Variants in HERC3 observed in about 807,000 individuals in gnomAD.
HERC3 encodes HECT and RLD domain containing E3 ubiquitin protein ligase 3, also known as probable E3 ubiquitin-protein ligase HERC3.
A neutral mutation model predicts 129.9 loss-of-function variants in HERC3; 58 were observed. That is an observed-to-expected ratio of 0.45 (90% CI 0.36 to 0.56). The LOEUF (loss-of-function observed/expected upper bound fraction) is 0.56, where lower values mean the gene tolerates loss of function less well. Among genes scored for constraint, HERC3 ranks in the 20% least tolerant of loss-of-function variants. The pLI, the probability that HERC3 is intolerant of heterozygous loss-of-function variation, is 0.00. For missense variants in HERC3, 835 were observed against 1,244.2 expected (o/e 0.67, Z 4.95); for synonymous variants, 430 against 451.0 (o/e 0.95, Z 0.59).
the HERC3 span, among the ~76,000 whole-genome samples, chr4:88,565,049 CTT>C: frequency 6.6e-6 from 1 of 151,964 alleles, no homozygotes; most frequent in Non-Finnish European, 1.5e-5. Flanking sequence ...CAATGTTCCT[CTT>C]GTTATTGACT....
At chr4:88,603,629 G>A (rs997381146) in intron 2 of HERC3, among the ~76,000 whole-genome samples, 4 of 152,178 alleles carry the variant, frequency 2.6e-5, no homozygotes, top group African/African-American at 9.7e-5. Context: ...AACCAGAGAG[G>A]TGCATGGGGT....
chr4:88,606,576 G>T (rs1723660439), intron 3 of HERC3, among the ~76,000 whole-genome samples: 1 of 152,182 alleles, frequency 6.6e-6, no homozygotes, highest in Non-Finnish European at 1.5e-5. Flanking sequence ...GTTTAGAAAA[G>T]AAAGAGGTTT....
chr4:88,654,379 T>C (rs1178356499), intron 7 of HERC3, among the ~76,000 whole-genome samples: 6 of 99,174 alleles, frequency 6.0e-5, no homozygotes, highest in South Asian at 6.3e-4. Flanking sequence ...TATATATATA[T>C]ATATATATAC....
At chr4:88,658,685 C>T (rs1730174324) in intron 10 of HERC3, among the ~76,000 whole-genome samples, 194 bp downstream of exon 10, 1 of 152,242 alleles carries the variant, frequency 6.6e-6, no homozygotes, top group Admixed American at 6.5e-5. Context: ...AACAATTCTC[C>T]TGGAATTATG....
At chr4:88,632,063 A>G (rs1352137469) in intron 3 of HERC3, among the ~76,000 whole-genome samples, 1 of 152,228 alleles carries the variant, frequency 6.6e-6, no homozygotes, top group South Asian at 2.1e-4. Context: ...GCAGAAGTCC[A>G]TAGGCTAGAG....
At chr4:88,682,619 G>A (rs1340918784) in intron 21 of HERC3, among the ~76,000 whole-genome samples, 1 of 151,748 alleles carries the variant, frequency 6.6e-6, no homozygotes, top group African/African-American at 2.4e-5. Context: ...GATGGTTTCC[G>A]GCTTCATCCA....
chr4:88,623,132 A>G (rs371228379), intron 3 of HERC3, among the ~76,000 whole-genome samples: 1 of 152,176 alleles, frequency 6.6e-6, no homozygotes, highest in East Asian at 1.9e-4. Context: ...TAATGATGAA[A>G]CTTAACATCA....
chr4:88,664,127 C>A, intron 11 of HERC3, 26 bp from the exon 12 acceptor site: 1 of 1,595,114 alleles, frequency 6.3e-7, no homozygotes, highest in Non-Finnish European at 8.6e-7. Flanking sequence ...TTAAAGGCTT[C>A]CCCCTCCCTT....
At chr4:88,691,658 T>C (rs1477176280) in intron 23 of HERC3, among the ~76,000 whole-genome samples, 1 of 152,256 alleles carries the variant, frequency 6.6e-6, no homozygotes, top group African/African-American at 2.4e-5. Flanking sequence ...GAATGAATTT[T>C]TTTTTCTTTT....
chr4:88,664,613 A>T lies in HERC3; in HGVS notation c.1331+401A>T, dbSNP rs1220929464. On this transcript the variant is annotated intron_variant, in intron 12 of 25. Coordinates refer to ENST00000402738, the MANE Select transcript of HERC3 (RefSeq NM_014606.3). The stretch of plus-strand genomic sequence containing the variant: ...AAAGCAGATTACCGAGAGAGACTGT[A>T]TCTCAGAAATAATTGGTAGAATCAT... Among the ~76,000 whole-genome samples, 6 of 152,340 alleles carry T rather than the reference A, an allele frequency of 3.9e-5. No homozygotes were observed. In the East Asian group the frequency reaches 1.2e-3, roughly 29 times the overall value.
chr4:88,590,137 G>A (rs1200435503), upstream of HERC3, among the ~76,000 whole-genome samples: 1 of 152,028 alleles, frequency 6.6e-6, no homozygotes, highest in African/African-American at 2.4e-5. Context: ...GTGTGGTGGT[G>A]AGCGCCTGTA....
At chr4:88,596,331 CT>C (rs1722385841) in intron 2 of HERC3, among the ~76,000 whole-genome samples, 3 of 152,108 alleles carry the variant, frequency 2.0e-5, no homozygotes, top group Admixed American at 2.0e-4. Context: ...AGAAATAGTA[CT>C]TGTTGGTGGC....
chr4:88,529,481 C>T, the HERC3 span, among the ~76,000 whole-genome samples: 6 of 152,036 alleles, frequency 3.9e-5, no homozygotes, highest in South Asian at 2.1e-4. Context: ...ACAGGCCAGG[C>T]GCAGTGGCTC....
the HERC3 span, among the ~76,000 whole-genome samples, chr4:88,552,375 C>T: frequency 6.6e-6 from 1 of 152,148 alleles, no homozygotes; most frequent in South Asian, 2.1e-4. Context: ...CACTCAGCCT[C>T]CCTAGTAGCT....
intron 16 of HERC3, among the ~76,000 whole-genome samples, chr4:88,672,425 AT>A (rs926282566): frequency 2.0e-5 from 3 of 152,004 alleles, no homozygotes; most frequent in African/African-American, 7.2e-5. Flanking sequence ...TTTTTGTGGA[AT>A]TTTTTTTATT....
At chr4:88,610,683 G>A (rs933179525) in intron 3 of HERC3, among the ~76,000 whole-genome samples, 2 of 152,166 alleles carry the variant, frequency 1.3e-5, no homozygotes, top group African/African-American at 4.8e-5. Context: ...ATGCCTCAGT[G>A]CACACCTTGG....
chr4:88,669,817 C>G, intron 14 of HERC3, 43 bp from the exon 15 acceptor site: 1 of 1,547,918 alleles, frequency 6.5e-7, no homozygotes, highest in Non-Finnish European at 8.9e-7. Flanking sequence ...AAATACTTGC[C>G]CAAGATTACA....
chr4:88,578,024 G>T, the HERC3 span, among the ~76,000 whole-genome samples: 1 of 152,154 alleles, frequency 6.6e-6, no homozygotes, highest in African/African-American at 2.4e-5. Flanking sequence ...CCAGCTGTTT[G>T]CCAAGCATTG....
intron 16 of HERC3, among the ~76,000 whole-genome samples, chr4:88,674,082 C>T (rs1731897816): frequency 6.6e-6 from 1 of 152,146 alleles, no homozygotes; most frequent in African/African-American, 2.4e-5. Context: ...TTTAACTCCT[C>T]CCCTTCTCCA....
Sources: allele counts gnomAD v4.1 joint callset (sites outside exome capture counted in the v4.1 genomes callset), GRCh38; gene constraint gnomAD v4.1.1; transcripts MANE v1.5; gene names NCBI Gene and HGNC (gene_info 2026-07-23, HGNC 2026-07-21).